Variants in MYO16 observed in about 807,000 individuals in gnomAD.
The protein encoded by MYO16 is unconventional myosin-XVI.
MYO16 carries 94 observed loss-of-function variants against 205.3 expected under a neutral mutation model. The observed-to-expected ratio is 0.46, with a 90% CI of 0.39 to 0.54. The LOEUF (loss-of-function observed/expected upper bound fraction) is 0.54, where lower values mean the gene tolerates loss of function less well. Among genes scored for constraint, MYO16 ranks in the 20% least tolerant of loss-of-function variants. MYO16 has a pLI of 0.00. For synonymous variants in MYO16, 988 were observed against 954.0 expected, an observed-to-expected ratio of 1.04 and a Z score of -0.66; for missense variants, 2,315 against 2,387.5, an observed-to-expected ratio of 0.97 and a Z score of 0.63.
At chr13:108,641,501 A>G (rs1195556227) in intron 1 of MYO16, among the ~76,000 whole-genome samples, 1 of 152,122 alleles carries the variant, frequency 6.6e-6, no homozygotes, top group East Asian at 1.9e-4. Flanking sequence ...AGCAACAAAT[A>G]TAAGATTAAG....
intron 16 of MYO16, among the ~76,000 whole-genome samples, chr13:108,913,688 G>C (rs564141143): frequency 6.6e-6 from 1 of 152,312 alleles, no homozygotes; most frequent in East Asian, 1.9e-4. Flanking sequence ...ATATGTTAAA[G>C]CAAACTAAAT....
At chr13:109,013,507 T>C (rs2139495055) in intron 22 of MYO16, among the ~76,000 whole-genome samples, 2 of 152,310 alleles carry the variant, frequency 1.3e-5, no homozygotes, top group South Asian at 2.1e-4. Flanking sequence ...GTTCAAATGG[T>C]ATTTCTAGTT....
chr13:108,836,038 G>A (rs1395087818), intron 9 of MYO16, among the ~76,000 whole-genome samples: 4 of 152,170 alleles, frequency 2.6e-5, no homozygotes, highest in African/African-American at 9.7e-5. Flanking sequence ...TCCAGGGCAT[G>A]TCAGAGACCT....
At chr13:108,687,974 A>G (rs2139485888) in intron 2 of MYO16, among the ~76,000 whole-genome samples, 1 of 152,306 alleles carries the variant, frequency 6.6e-6, no homozygotes, top group Non-Finnish European at 1.5e-5. Context: ...AGGCAGAGTG[A>G]CTATAGGTTT....
chr13:108,620,057 G>A (rs1879484750), intron 1 of MYO16, among the ~76,000 whole-genome samples: 1 of 152,074 alleles, frequency 6.6e-6, no homozygotes, highest in Admixed American at 6.6e-5. Context: ...AATGATCTTG[G>A]ACATCTTGCT....
At chr13:108,977,461 C>T (rs142920291) in intron 20 of MYO16, among the ~76,000 whole-genome samples, 1 of 152,304 alleles carries the variant, frequency 6.6e-6, no homozygotes, top group Non-Finnish European at 1.5e-5. Context: ...TCTGGCAAGA[C>T]AAGTTGTGCC....
At chr13:109,037,503 T>G (rs1566475114) in intron 23 of MYO16, among the ~76,000 whole-genome samples, 1 of 152,142 alleles carries the variant, frequency 6.6e-6, no homozygotes, top group Non-Finnish European at 1.5e-5. Flanking sequence ...CCATGAGTCC[T>G]TCTCAAGTAA....
chr13:108,938,271 G>T (rs553875135), intron 16 of MYO16, among the ~76,000 whole-genome samples: 13 of 152,260 alleles, frequency 8.5e-5, no homozygotes, highest in African/African-American at 2.6e-4. Flanking sequence ...ATAGCTAAGA[G>T]CTGTCTGAGG....
chr13:109,005,888 C>T (rs950228023), intron 21 of MYO16, among the ~76,000 whole-genome samples: 7 of 152,162 alleles, frequency 4.6e-5, no homozygotes, highest in African/African-American at 1.7e-4. Flanking sequence ...TTTCCATTCT[C>T]CCAAGTAACT....
At chr13:109,094,090 C>T (rs1888703453) in intron 27 of MYO16, among the ~76,000 whole-genome samples, 1 of 152,238 alleles carries the variant, frequency 6.6e-6, no homozygotes, top group Non-Finnish European at 1.5e-5. Context: ...CCCCACTCCA[C>T]CGGGACTACA....
At chr13:108,682,575 CAACA>C (rs1190789234) in intron 2 of MYO16, among the ~76,000 whole-genome samples, 9 of 151,948 alleles carry the variant, frequency 5.9e-5, no homozygotes, top group African/African-American at 1.9e-4. Flanking sequence ...AAATATTCCA[CAACA>C]AACAAAGTGA....
intron 2 of MYO16, among the ~76,000 whole-genome samples, chr13:108,683,768 G>A (rs1234094444): frequency 6.6e-6 from 1 of 152,236 alleles, no homozygotes; most frequent in African/African-American, 2.4e-5. Context: ...CATTAAGCCT[G>A]AGAATCTGGG....
rs560869032 is a variant in MYO16, at chr13:109,035,656, C to T, written c.2797-11260C>T. ...CAGAGATCATGCTACTGCACTCCAGCGCGGGTGACAAAGTGAGACTCTGCT... is the reference window on the plus strand; with the variant it reads ...CAGAGATCATGCTACTGCACTCCAGTGCGGGTGACAAAGTGAGACTCTGCT... On this transcript the variant is annotated intron_variant, in intron 23 of 34. Coordinates refer to ENST00000457511, the MANE Select transcript of MYO16 (RefSeq NM_001198950.3). Among the ~76,000 whole-genome samples, 6 of 152,196 alleles carry T rather than the reference C, an allele frequency of 3.9e-5. No homozygotes were observed. In the East Asian group the frequency reaches 5.8e-4, roughly 15 times the overall value.
chr13:109,110,165 G>T (rs1378145672), intron 28 of MYO16, among the ~76,000 whole-genome samples: 2 of 152,226 alleles, frequency 1.3e-5, no homozygotes. Context: ...GATCAAATGT[G>T]TGCTCTGACT....
At chr13:108,857,969 C>T (rs1878268819) in intron 11 of MYO16, among the ~76,000 whole-genome samples, 4 of 152,184 alleles carry the variant, frequency 2.6e-5, no homozygotes, top group East Asian at 1.9e-4. Flanking sequence ...TCCTAAAATA[C>T]AGAAAAGCTC....
rs543895470 is a variant in MYO16, at chr13:109,141,980, C to T, written c.5164+604C>T. Among the ~76,000 whole-genome samples, 7 of 152,286 alleles carry T rather than the reference C, an allele frequency of 4.6e-5. No homozygotes were observed. The highest frequency in any genetic ancestry group is 1.4e-4 in the African/African-American group (6 of 41,564). On this transcript the variant is annotated intron_variant, in intron 32 of 34. Transcript: ENST00000457511. This position sits in a 1 kb window ranked among gnomAD's most constrained non-coding sequence, Gnocchi z 4.1. Reference sequence around the variant, plus strand: ...CCGTTATCTGTGTTTTCTCATCCAGCGACTCAGCCCACAGTGGGGTTTGCA... The same window carrying T: ...CCGTTATCTGTGTTTTCTCATCCAGTGACTCAGCCCACAGTGGGGTTTGCA...
intron 9 of MYO16, among the ~76,000 whole-genome samples, chr13:108,834,726 C>T (rs568230570): frequency 6.6e-6 from 1 of 151,494 alleles, no homozygotes; most frequent in East Asian, 2.0e-4. Flanking sequence ...AAAACATAAT[C>T]TGATAAATGT....
intron 4 of MYO16, among the ~76,000 whole-genome samples, chr13:108,771,592 C>T (rs946863846): frequency 2.0e-5 from 3 of 152,242 alleles, no homozygotes; most frequent in East Asian, 1.9e-4. Context: ...TCCACCCGTA[C>T]AGAAATTTGC....
intron 12 of MYO16, among the ~76,000 whole-genome samples, chr13:108,879,937 A>G (rs1273340555): frequency 6.6e-6 from 1 of 152,218 alleles, no homozygotes; most frequent in Non-Finnish European, 1.5e-5. Flanking sequence ...GAATGGCCAC[A>G]CTGTCTTCCA....
Sources: allele counts gnomAD v4.1 joint callset (sites outside exome capture counted in the v4.1 genomes callset), GRCh38; gene constraint gnomAD v4.1.1; non-coding constraint Gnocchi (gnomAD v3.1); transcripts MANE v1.5; gene names NCBI Gene and HGNC (gene_info 2026-07-23, HGNC 2026-07-21).